Variants in HAO1 observed in about 807,000 individuals in gnomAD.
HAO1 encodes the protein hydroxyacid oxidase 1.
HAO1 carries 34 observed loss-of-function variants against 39.7 expected under a neutral mutation model. The ratio of observed to expected loss-of-function variants is 0.86; its 90% CI spans 0.65 to 1.14. The LOEUF is 1.14. Ranked by LOEUF, HAO1 falls within the 50% of genes most tolerant of loss-of-function variation. HAO1 has a pLI of 0.00. For synonymous variants in HAO1, 172 were observed against 173.2 expected (o/e 0.99, Z 0.05); for missense variants, 479 against 464.5 (o/e 1.03, Z -0.29).
At chr20:7,935,386 G>A (rs7268911) in intron 1 of HAO1, among the ~76,000 whole-genome samples, 1,992 of 152,258 alleles carry the variant, frequency 0.013, 38 homozygotes, top group African/African-American at 0.043. Flanking sequence ...AATCAAGATG[G>A]TATACAAATG....
intron 3 of HAO1, among the ~76,000 whole-genome samples, chr20:7,913,833 C>A (rs933244637): frequency 6.6e-6 from 1 of 152,144 alleles, no homozygotes. Flanking sequence ...GTAAAGGTGG[C>A]TCTTTGACTT....
chr20:7,921,604 G>A (rs1271321205), intron 2 of HAO1, among the ~76,000 whole-genome samples: 1 of 152,056 alleles, frequency 6.6e-6, no homozygotes, highest in African/African-American at 2.4e-5. Flanking sequence ...CACTAACTGG[G>A]TATATTCCCA....
chr20:7,910,295 G>T (rs889682962), intron 3 of HAO1, among the ~76,000 whole-genome samples: 1 of 152,192 alleles, frequency 6.6e-6, no homozygotes, highest in Admixed American at 6.5e-5. Flanking sequence ...GAAACTTTAA[G>T]TATGTATGGT....
At chr20:7,914,097 C>A (rs1315613428) in intron 3 of HAO1, 67 bp downstream of exon 3, 5 of 1,572,688 alleles carry the variant, frequency 3.2e-6, no homozygotes, top group Non-Finnish European at 4.4e-6. Context: ...TCAGTAGAAC[C>A]CAGACCCTAA....
chr20:7,883,778 G>A, intron 7 of HAO1, 115 bp from the exon 8 acceptor site: 1 of 898,482 alleles, frequency 1.1e-6, no homozygotes, highest in Non-Finnish European at 1.8e-6. Flanking sequence ...ATTCAAGGTA[G>A]GCTTGCCAAA....
chr20:7,887,616 T>C (rs2122747907), intron 5 of HAO1, among the ~76,000 whole-genome samples: 1 of 152,272 alleles, frequency 6.6e-6, no homozygotes, highest in East Asian at 1.9e-4. Context: ...ATAAATGCTA[T>C]AATTTCCAAG....
chr20:7,906,587 G>GAA (rs145585970), intron 3 of HAO1, among the ~76,000 whole-genome samples: 5,594 of 150,450 alleles, frequency 0.037, 125 homozygotes, highest in African/African-American at 0.049. Flanking sequence ...TCTGTTTCAA[G>GAA]AAAAAAAAAT....
At chr20:7,910,012 C>A (rs181122219) in intron 3 of HAO1, among the ~76,000 whole-genome samples, 2 of 152,130 alleles carry the variant, frequency 1.3e-5, no homozygotes, top group African/African-American at 2.4e-5. Context: ...GTTCAAATCC[C>A]GGTTCAGCCT....
At chr20:7,896,025 T>C (rs2050196040) in intron 4 of HAO1, among the ~76,000 whole-genome samples, 2 of 152,140 alleles carry the variant, frequency 1.3e-5, no homozygotes, top group South Asian at 2.1e-4. Flanking sequence ...TGAGCCAAGA[T>C]TGCACCACTG....
intron 4 of HAO1, among the ~76,000 whole-genome samples, chr20:7,903,902 G>GTGGTGC (rs1472916449): frequency 6.6e-6 from 1 of 151,702 alleles, no homozygotes; most frequent in Admixed American, 6.6e-5. Context: ...GGTGGTGGTG[G>GTGGTGC]CAGTGGTCCT....
chr20:7,925,985 A>T (rs2050357390), intron 2 of HAO1, among the ~76,000 whole-genome samples: 1 of 152,188 alleles, frequency 6.6e-6, no homozygotes, highest in Non-Finnish European at 1.5e-5. Flanking sequence ...TATACATTTT[A>T]GTATATGTAT....
intron 1 of HAO1, among the ~76,000 whole-genome samples, chr20:7,938,671 C>A (rs772147145): frequency 9.9e-5 from 15 of 151,966 alleles, no homozygotes; most frequent in Non-Finnish European, 1.5e-4. Context: ...TCTCTGAGAC[C>A]TCCACTTGGC....
intron 2 of HAO1, among the ~76,000 whole-genome samples, chr20:7,922,169 A>C (rs1015473252): frequency 5.3e-5 from 8 of 152,154 alleles, no homozygotes; most frequent in Admixed American, 6.6e-5. Context: ...AAAAGAAGAG[A>C]TATAAATGGC....
chr20:7,911,026 A>G (rs1048329522), intron 3 of HAO1, among the ~76,000 whole-genome samples: 4 of 152,222 alleles, frequency 2.6e-5, no homozygotes, highest in Admixed American at 6.5e-5. Context: ...GATTCTGCGA[A>G]TGACTGTTAC....
intron 5 of HAO1, among the ~76,000 whole-genome samples, chr20:7,892,567 G>A (rs1402355890): frequency 2.0e-5 from 3 of 152,156 alleles, no homozygotes; most frequent in African/African-American, 7.2e-5. Context: ...ACCACTACTA[G>A]TTGGCTAAAG....
chr20:7,906,107 A>G (rs1241539315), intron 4 of HAO1, 47 bp downstream of exon 4: 1 of 1,293,812 alleles, frequency 7.7e-7, no homozygotes, highest in East Asian at 2.3e-5. Context: ...ACGTATCCAC[A>G]AAGGATCACA....
intron 1 of HAO1, among the ~76,000 whole-genome samples, chr20:7,938,939 T>C (rs1469946487): frequency 6.6e-6 from 1 of 152,204 alleles, no homozygotes; most frequent in African/African-American, 2.4e-5. Context: ...ATTGGAGGTC[T>C]AGCAATGCTG....
At chr20:7,936,555 C>T (rs1232423164) in intron 1 of HAO1, among the ~76,000 whole-genome samples, 182 of 69,750 alleles carry the variant, frequency 2.6e-3, no homozygotes, top group Admixed American at 8.0e-3. Context: ...TGTTCGCGCG[C>T]GCGCGCGCGC....
chr20:7,906,177 A>G lies in HAO1; in HGVS notation c.698T>C (p.Ile233Thr), dbSNP rs769727018. 1.9e-6 allele frequency: 3 copies of G among 1,613,162 alleles called. No homozygotes were observed. In the Admixed American group the frequency reaches 5.0e-5, roughly 27 times the overall value. ...ACCTCTCAAAATGCCCTTTGCAACA[A>G]TTGGCAATGATGTCAGTCTTCTCAG... Reference protein sequence around the residue: ...KWLRRLTSLPIVAKGILRGDD... With the variant: ...KWLRRLTSLPTVAKGILRGDD... The change falls in exon 4 of 8, where the codon ATT becomes ACT. Residue 233 changes from isoleucine (I) to threonine (T), a missense_variant. Coordinates refer to ENST00000378789, the MANE Select transcript of HAO1 (RefSeq NM_017545.3).
Sources: gnomAD v4.1 joint callset for allele counts (sites outside exome capture counted in the v4.1 genomes callset) on GRCh38, gnomAD v4.1.1 for gene constraint, MANE v1.5 for transcripts, NCBI Gene and HGNC (gene_info 2026-07-23, HGNC 2026-07-21) for gene names.